DLC1: variants seen among roughly 807,000 people sequenced by gnomAD.
The protein encoded by DLC1 is DLC1 Rho GTPase activating protein.
In DLC1, 54 loss-of-function variants were observed where a neutral mutation model predicts 140.3. That is an observed-to-expected ratio of 0.38 (90% CI 0.31 to 0.48). The LOEUF (loss-of-function observed/expected upper bound fraction) is 0.48. Ranked by LOEUF, DLC1 falls within the 20% of genes least tolerant of loss-of-function variation. The pLI is 0.96. For missense variants in DLC1, 2,536 were observed against 1,907.0 expected, an observed-to-expected ratio of 1.33 and a Z score of -6.14; for synonymous variants, 986 against 728.1, an observed-to-expected ratio of 1.35 and a Z score of -5.70.
At chr8:13,290,514 A>AAATTATTG (rs1271245628) in intron 5 of DLC1, among the ~76,000 whole-genome samples, 3 of 152,292 alleles carry the variant, frequency 2.0e-5, no homozygotes, top group South Asian at 2.1e-4. Flanking sequence ...TTTTTGAAAA[A>AAATTATTG]AATTATTGAG....
chr8:13,154,092 G>A (rs1272944627), intron 5 of DLC1, among the ~76,000 whole-genome samples: 1 of 152,250 alleles, frequency 6.6e-6, no homozygotes, highest in African/African-American at 2.4e-5. Flanking sequence ...TAGACTCAGG[G>A]TGGTGATTGG....
chr8:13,484,930 T>C (rs1455134301), intron 2 of DLC1, among the ~76,000 whole-genome samples: 2 of 151,966 alleles, frequency 1.3e-5, no homozygotes, highest in Admixed American at 6.6e-5. Flanking sequence ...TGACAAAATA[T>C]TTGCTTATTT....
chr8:13,176,240 G>C (rs550952728), intron 5 of DLC1, among the ~76,000 whole-genome samples: 1 of 152,080 alleles, frequency 6.6e-6, no homozygotes, highest in African/African-American at 2.4e-5. Flanking sequence ...AATGAAATAA[G>C]TGATTTAAAT....
At chr8:13,342,982 C>G (rs1433598878) in intron 4 of DLC1, among the ~76,000 whole-genome samples, 1 of 152,104 alleles carries the variant, frequency 6.6e-6, no homozygotes, top group East Asian at 1.9e-4. Context: ...ACTTGGTGAA[C>G]CAAACAGTAA....
At chr8:13,391,113 C>G (rs185109130) in intron 4 of DLC1, among the ~76,000 whole-genome samples, 14 of 152,068 alleles carry the variant, frequency 9.2e-5, no homozygotes, top group African/African-American at 2.9e-4. Context: ...TTTCTGGGTA[C>G]TCTTCATGGC....
At chr8:13,513,508 A>G (rs1157483582) in intron 1 of DLC1, among the ~76,000 whole-genome samples, 1 of 152,098 alleles carries the variant, frequency 6.6e-6, no homozygotes, top group Non-Finnish European at 1.5e-5. Context: ...TTATGATCCA[A>G]CTGTCAAAAT....
intron 4 of DLC1, among the ~76,000 whole-genome samples, chr8:13,335,425 A>G (rs114122104): frequency 0.037 from 5,648 of 152,300 alleles, 191 homozygotes; most frequent in African/African-American, 0.091. Context: ...GAATACTAAT[A>G]TTTGTAGAGA....
chr8:13,170,537 T>G (rs1024117205), intron 5 of DLC1, among the ~76,000 whole-genome samples: 1 of 152,132 alleles, frequency 6.6e-6, no homozygotes, highest in Non-Finnish European at 1.5e-5. Flanking sequence ...GAGACCATCC[T>G]GGCCAACACG....
At chr8:13,257,439 G>GAAA (rs34452124) in intron 5 of DLC1, among the ~76,000 whole-genome samples, 1 of 104,466 alleles carries the variant, frequency 9.6e-6, no homozygotes, top group Non-Finnish European at 1.9e-5. Context: ...CCTGTCTCAG[G>GAAA]AAAAAAAAAA....
intron 7 of DLC1, among the ~76,000 whole-genome samples, chr8:13,106,252 A>T (rs549467816): frequency 6.6e-6 from 1 of 152,368 alleles, no homozygotes; most frequent in Non-Finnish European, 1.5e-5. Flanking sequence ...AGGGGGAAAG[A>T]TACAATTTTC....
chr8:13,088,776 T>TC, intron 15 of DLC1, 72 bp from the exon 16 acceptor site: 12 of 1,348,844 alleles, frequency 8.9e-6, no homozygotes, highest in Non-Finnish European at 1.2e-5. Context: ...GAATTGTTAG[T>TC]TAGACTAACA....
intron 7 of DLC1, among the ~76,000 whole-genome samples, chr8:13,110,491 A>G (rs1357063586): frequency 1.3e-5 from 2 of 152,156 alleles, no homozygotes; most frequent in Non-Finnish European, 2.9e-5. Context: ...TACTTGTTAC[A>G]CCAATTATAT....
chr8:13,202,852 T>G (rs1212126637), intron 5 of DLC1, among the ~76,000 whole-genome samples: 1 of 152,006 alleles, frequency 6.6e-6, no homozygotes, highest in Non-Finnish European at 1.5e-5. Context: ...TGTTGTATTT[T>G]TTGTAGAGAC....
intron 1 of DLC1, among the ~76,000 whole-genome samples, chr8:13,512,113 A>G (rs1454289255): frequency 6.6e-6 from 1 of 152,104 alleles, no homozygotes; most frequent in Non-Finnish European, 1.5e-5. Context: ...TATAAGGGCC[A>G]CCACTTTACT....
chr8:13,493,184 C>T (rs945013137), intron 2 of DLC1, among the ~76,000 whole-genome samples: 1 of 152,156 alleles, frequency 6.6e-6, no homozygotes, highest in Non-Finnish European at 1.5e-5. Context: ...AAAACCAGTG[C>T]AAGCTTAGTG....
At chr8:13,514,056 C>G (rs28432202) in intron 1 of DLC1, among the ~76,000 whole-genome samples, 2,678 of 151,270 alleles carry the variant, frequency 0.018, 77 homozygotes, top group African/African-American at 0.062. Flanking sequence ...TTAAATGAAC[C>G]TTTTAAGCTG....
chr8:13,206,688 A>G (rs1171577937), intron 5 of DLC1, among the ~76,000 whole-genome samples: 1 of 152,158 alleles, frequency 6.6e-6, no homozygotes, highest in Non-Finnish European at 1.5e-5. Flanking sequence ...AATGCTATAG[A>G]CTGACATTGA....
intron 13 of DLC1, 48 bp downstream of exon 13, chr8:13,092,564 G>A (rs372435084): frequency 2.5e-6 from 4 of 1,576,700 alleles, no homozygotes; most frequent in Non-Finnish European, 3.4e-6. Flanking sequence ...GTCCTAGGAA[G>A]AATGTAGGCT....
At chr8:13,489,997 G>C (rs1034683219) in intron 2 of DLC1, among the ~76,000 whole-genome samples, 2 of 151,976 alleles carry the variant, frequency 1.3e-5, no homozygotes, top group Non-Finnish European at 1.5e-5. Context: ...TTGTAAGGCC[G>C]AGACTGTTTT....
Sources: allele counts gnomAD v4.1 joint callset (sites outside exome capture counted in the v4.1 genomes callset), GRCh38; gene constraint gnomAD v4.1.1; transcripts MANE v1.5; gene names NCBI Gene and HGNC (gene_info 2026-07-23, HGNC 2026-07-21).